LINGO2: variants seen among roughly 807,000 people sequenced by gnomAD.
LINGO2 encodes leucine-rich repeat and immunoglobulin-like domain-containing nogo receptor-interacting protein 2.
Under a neutral mutation model 30.6 loss-of-function variants are expected in LINGO2, and 14 were observed. The observed-to-expected ratio is 0.46, with a 90% CI of 0.30 to 0.72. The LOEUF (loss-of-function observed/expected upper bound fraction) is 0.72, where lower values mean the gene tolerates loss of function less well. LINGO2 is among the 30% of genes least tolerant of loss of function. LINGO2 has a pLI of 0.07. For missense variants in LINGO2, 729 were observed against 751.7 expected, an observed-to-expected ratio of 0.97 and a Z score of 0.35; for synonymous variants, 317 against 288.5, an observed-to-expected ratio of 1.10 and a Z score of -1.00.
chr9:28,716,743 C>A, the LINGO2 span, among the ~76,000 whole-genome samples: 1 of 151,970 alleles, frequency 6.6e-6, no homozygotes, highest in African/African-American at 2.4e-5. Flanking sequence ...TAATCATTTT[C>A]AAGATGATAT....
chr9:28,861,005 TATATA>T, the LINGO2 span, among the ~76,000 whole-genome samples: 20 of 129,266 alleles, frequency 1.5e-4, no homozygotes, highest in South Asian at 4.4e-4. Flanking sequence ...TATTTATTAA[TATATA>T]ATATAATATA....
chr9:28,391,225 C>T (rs1821816654), intron 2 of LINGO2, among the ~76,000 whole-genome samples: 3 of 152,134 alleles, frequency 2.0e-5, no homozygotes, highest in Admixed American at 2.0e-4. Context: ...ATCAGCACCA[C>T]ACTGATTAAG....
At chr9:28,022,792 TCTC>T (rs1398981068) in intron 4 of LINGO2, among the ~76,000 whole-genome samples, 2 of 152,014 alleles carry the variant, frequency 1.3e-5, no homozygotes, top group Non-Finnish European at 2.9e-5. Flanking sequence ...TGTTTTCTCT[TCTC>T]CTTTCTCTTT....
At chr9:28,453,306 T>C (rs1184018276) in intron 2 of LINGO2, among the ~76,000 whole-genome samples, 1 of 151,902 alleles carries the variant, frequency 6.6e-6, no homozygotes, top group East Asian at 1.9e-4. Flanking sequence ...GTTCCATCAT[T>C]TGACACTCTG....
the LINGO2 span, among the ~76,000 whole-genome samples, chr9:28,906,997 A>G: frequency 2.0e-5 from 3 of 151,986 alleles, no homozygotes; most frequent in Admixed American, 2.0e-4. Flanking sequence ...AAATTTTATA[A>G]GTGCTGACTC....
At chr9:28,647,635 T>G (rs1827898894) in intron 1 of LINGO2, among the ~76,000 whole-genome samples, 1 of 152,090 alleles carries the variant, frequency 6.6e-6, no homozygotes, top group Non-Finnish European at 1.5e-5. Context: ...ATTACACAGA[T>G]GTACTAAAAT....
At chr9:28,017,648 A>T (rs926961482) in intron 4 of LINGO2, among the ~76,000 whole-genome samples, 5 of 152,168 alleles carry the variant, frequency 3.3e-5, no homozygotes, top group Non-Finnish European at 7.4e-5. Flanking sequence ...GAATACAGCT[A>T]ATCAGGGAGG....
At chr9:28,766,776 AAGAG>A in the LINGO2 span, among the ~76,000 whole-genome samples, 2 of 146,050 alleles carry the variant, frequency 1.4e-5, no homozygotes, top group African/African-American at 2.7e-5. Flanking sequence ...GAGGGAGGGA[AAGAG>A]AGAGAGAGGG....
At chr9:28,003,392 G>A (rs1433435639) in intron 5 of LINGO2, among the ~76,000 whole-genome samples, 2 of 148,156 alleles carry the variant, frequency 1.3e-5, no homozygotes, top group Non-Finnish European at 3.0e-5. Context: ...GATATAGAGA[G>A]AGAGAGAGTT....
chr9:28,167,578 G>T (rs1828467049), intron 4 of LINGO2, among the ~76,000 whole-genome samples: 1 of 152,134 alleles, frequency 6.6e-6, no homozygotes, highest in Non-Finnish European at 1.5e-5. Context: ...GTAGAGGTGG[G>T]GTTTTGCCAC....
At chr9:28,531,436 A>G (rs1821233867) in intron 1 of LINGO2, among the ~76,000 whole-genome samples, 1 of 152,218 alleles carries the variant, frequency 6.6e-6, no homozygotes. Context: ...AAACACCAGT[A>G]TCCCTTTTTT....
rs528746080 is a variant in LINGO2 at position 28,588,464 on chromosome 9, A to C, written c.-365+81736T>G. ...GGCTTCCTGGAATTATAAGACATGA[A>C]GTCCTATACCATAAGTGTAATATCA... is the stretch of plus-strand genomic sequence containing the variant. On this transcript the variant is annotated intron_variant, in intron 1 of 5. Coordinates refer to ENST00000379992, the Ensembl canonical transcript of LINGO2. Among the ~76,000 whole-genome samples, 12 of 152,030 alleles carry C rather than the reference A, an allele frequency of 7.9e-5. No homozygotes were observed. The East Asian group carries it at 2.3e-3, about 30-fold the overall frequency.
the LINGO2 span, among the ~76,000 whole-genome samples, chr9:28,955,454 G>C: frequency 1.3e-5 from 2 of 152,032 alleles, no homozygotes; most frequent in Non-Finnish European, 2.9e-5. Flanking sequence ...CTTCTGCCAT[G>C]ACCTGAAAGC....
chr9:28,651,267 T>C (rs1828091209), intron 1 of LINGO2, among the ~76,000 whole-genome samples: 1 of 152,122 alleles, frequency 6.6e-6, no homozygotes, highest in African/African-American at 2.4e-5. Context: ...AGTGTCCTGA[T>C]GAGTCACCTG....
chr9:28,728,360 G>T, the LINGO2 span, among the ~76,000 whole-genome samples: 1 of 151,140 alleles, frequency 6.6e-6, no homozygotes, highest in African/African-American at 2.4e-5. Context: ...GCAATCAAAA[G>T]TTAAATTATT....
intron 1 of LINGO2, among the ~76,000 whole-genome samples, chr9:28,603,659 G>A (rs1825585614): frequency 6.6e-6 from 1 of 151,944 alleles, no homozygotes; most frequent in African/African-American, 2.4e-5. Flanking sequence ...AATGAAAGAG[G>A]AAATCACATT....
intron 1 of LINGO2, among the ~76,000 whole-genome samples, chr9:28,582,209 T>C (rs1015500763): frequency 1.3e-5 from 2 of 152,106 alleles, no homozygotes; most frequent in Non-Finnish European, 2.9e-5. Context: ...AATATCTGGA[T>C]AATTCCTTAT....
At chr9:29,177,527 T>A in the LINGO2 span, among the ~76,000 whole-genome samples, 1 of 152,170 alleles carries the variant, frequency 6.6e-6, no homozygotes, top group Non-Finnish European at 1.5e-5. Flanking sequence ...AAATGTACAA[T>A]CTTCAGGAAC....
chr9:28,625,970 G>T (rs912313562), intron 1 of LINGO2, among the ~76,000 whole-genome samples: 1 of 151,974 alleles, frequency 6.6e-6, no homozygotes, highest in Non-Finnish European at 1.5e-5. Flanking sequence ...TTATTTACAA[G>T]TGTGTATGTT....
Sources: gnomAD v4.1 joint callset for allele counts (sites outside exome capture counted in the v4.1 genomes callset) on GRCh38, gnomAD v4.1.1 for gene constraint, MANE v1.5 for transcripts, NCBI Gene and HGNC (gene_info 2026-07-23, HGNC 2026-07-21) for gene names.